Variants in CALN1 observed in about 807,000 individuals in gnomAD.
CALN1 encodes the protein calcium-binding protein 8.
Under a neutral mutation model 30.6 loss-of-function variants are expected in CALN1, and 17 were observed. That is an observed-to-expected ratio of 0.56 (90% confidence interval 0.38 to 0.83). CALN1 has a LOEUF of 0.83. Among genes scored for constraint, CALN1 ranks in the 40% least tolerant of loss-of-function variants. The probability of loss-of-function intolerance (pLI) is 0.00; values close to 1 mark genes in which losing one functional copy is unlikely to be tolerated. For missense variants in CALN1, 291 were observed against 354.9 expected (o/e 0.82, Z 1.45); for synonymous variants, 156 against 131.4 (o/e 1.19, Z -1.28).
chr7:71,908,878 TATCCAGGGATGTCCTTTCAGGG>T lies in CALN1; in HGVS notation c.502-98408_502-98387del, dbSNP rs1301846234. Among the ~76,000 whole-genome samples, 5 of 152,218 alleles carry T rather than the reference TATCCAGGGATGTCCTTTCAGGG, an allele frequency of 3.3e-5. No individual in the cohort carries two copies. In the East Asian group the frequency reaches 5.8e-4, roughly 18 times the overall value. ...GCAAATCAGGGTGTTCTTAATCTTC[TATCCAGGGATGTCCTTTCAGGG>T]ATCCAGGGACGTCCTTTCAGGGATC... On this transcript the variant is annotated intron_variant, in intron 5 of 6. Transcript: ENST00000395275.
chr7:72,107,807 G>A (rs888039833), intron 3 of CALN1, among the ~76,000 whole-genome samples: 27 of 152,022 alleles, frequency 1.8e-4, no homozygotes, highest in Admixed American at 1.4e-3. Flanking sequence ...TAATAAATAC[G>A]GAAAAATAAA....
intron 2 of CALN1, among the ~76,000 whole-genome samples, chr7:72,370,115 A>G (rs1454539968): frequency 6.6e-6 from 1 of 152,196 alleles, no homozygotes; most frequent in African/African-American, 2.4e-5. Context: ...ATGACTCTAC[A>G]TTGTCACCAG....
At chr7:72,265,590 A>G (rs7782517) in intron 3 of CALN1, among the ~76,000 whole-genome samples, 28,669 of 151,940 alleles carry the variant, frequency 0.19, 3,758 homozygotes, top group East Asian at 0.43. Context: ...GATCTGTTAC[A>G]ATGCATTTCT....
chr7:72,455,352 T>C, the CALN1 span, among the ~76,000 whole-genome samples: 1 of 150,934 alleles, frequency 6.6e-6, no homozygotes, highest in African/African-American at 2.5e-5. Flanking sequence ...TGTGTGTGTG[T>C]GTGTGTGTGT....
chr7:72,336,820 A>G, intron 2 of CALN1: 5 of 984,820 alleles, frequency 5.1e-6, no homozygotes, highest in Non-Finnish European at 6.0e-6. Context: ...CCGAGCGGGC[A>G]GCGCTCAGCC....
At chr7:72,341,247 G>A (rs991886271) in intron 2 of CALN1, among the ~76,000 whole-genome samples, 2 of 152,220 alleles carry the variant, frequency 1.3e-5, no homozygotes, top group African/African-American at 4.8e-5. Flanking sequence ...GTAGGGCCAA[G>A]CACGGTGGCT....
chr7:72,262,984 G>C (rs1423892756), intron 3 of CALN1, among the ~76,000 whole-genome samples: 1 of 152,198 alleles, frequency 6.6e-6, no homozygotes, highest in African/African-American at 2.4e-5. Context: ...GGCCTCTCCA[G>C]TTAGAGGCAT....
chr7:71,989,224 G>C (rs1798824713), intron 5 of CALN1, among the ~76,000 whole-genome samples: 1 of 152,158 alleles, frequency 6.6e-6, no homozygotes, highest in Admixed American at 6.5e-5. Context: ...GATCACCTGA[G>C]GTCACGAGTT....
intron 3 of CALN1, among the ~76,000 whole-genome samples, chr7:72,256,694 A>C (rs1454614515): frequency 6.6e-6 from 1 of 151,546 alleles, no homozygotes; most frequent in Non-Finnish European, 1.5e-5. Context: ...GCAGCCTCAA[A>C]CTCCTGGGCT....
At chr7:72,095,354 A>G (rs1806149078) in intron 4 of CALN1, among the ~76,000 whole-genome samples, 1 of 152,162 alleles carries the variant, frequency 6.6e-6, no homozygotes, top group Admixed American at 6.6e-5. Context: ...AGCATTACAC[A>G]AGTGTTATTT....
intron 1 of CALN1, among the ~76,000 whole-genome samples, chr7:72,407,850 G>A (rs772348236): frequency 3.3e-5 from 5 of 152,184 alleles, no homozygotes; most frequent in Non-Finnish European, 5.9e-5. Context: ...ATCCACCACA[G>A]ATGTAGCCTC....
intron 4 of CALN1, among the ~76,000 whole-genome samples, chr7:72,035,008 C>T (rs374299069): frequency 3.3e-5 from 5 of 152,018 alleles, no homozygotes; most frequent in East Asian, 1.9e-4. Context: ...TACCCACTCC[C>T]GAAAAACTAA....
chr7:71,934,096 T>A (rs957677215), intron 5 of CALN1, among the ~76,000 whole-genome samples: 10 of 152,224 alleles, frequency 6.6e-5, no homozygotes, highest in Admixed American at 2.6e-4. Flanking sequence ...CAAATTTTTT[T>A]AAATGTGACT....
intron 5 of CALN1, among the ~76,000 whole-genome samples, chr7:71,906,886 GC>G (rs1165528786): frequency 1.3e-5 from 2 of 152,096 alleles, no homozygotes; most frequent in Non-Finnish European, 2.9e-5. Context: ...GTCTGTTTTT[GC>G]AAAATCAAAA....
At chr7:72,375,466 G>C (rs887222055) in intron 2 of CALN1, among the ~76,000 whole-genome samples, 2 of 151,496 alleles carry the variant, frequency 1.3e-5, no homozygotes, top group African/African-American at 4.9e-5. Context: ...TCATGAGGCT[G>C]AGGTGGGGAG....
intron 5 of CALN1, among the ~76,000 whole-genome samples, chr7:71,846,040 C>G (rs6965965): frequency 0.56 from 85,504 of 151,728 alleles, 25,898 homozygotes; most frequent in East Asian, 0.86. Flanking sequence ...GGGACAGAGC[C>G]AAACTCGGTC....
Position 71,821,442 on chromosome 7 carries a change from T to G in CALN1, c.502-10950A>C, listed in dbSNP as rs368425955. On this transcript the variant is annotated intron_variant, in intron 5 of 6. Coordinates refer to ENST00000395275, the MANE Select transcript of CALN1 (RefSeq NM_031468.4). Reference sequence around the variant, plus strand: ...TGGAAGGTGAAAGTCATGTCTTACATGGCAGCGGGCAAAAAAGAATGAGAA... The same window carrying G: ...TGGAAGGTGAAAGTCATGTCTTACAGGGCAGCGGGCAAAAAAGAATGAGAA... Among the ~76,000 whole-genome samples, 562 of 152,238 alleles carry G rather than the reference T, an allele frequency of 3.7e-3. 4 individuals carry two copies. The highest frequency in any genetic ancestry group is 0.013 in the African/African-American group (523 of 41,540).
At chr7:72,263,152 T>A (rs1796382027) in intron 3 of CALN1, among the ~76,000 whole-genome samples, 1 of 152,158 alleles carries the variant, frequency 6.6e-6, no homozygotes. Context: ...ATCATAACAA[T>A]AACAATAATT....
chr7:72,211,653 A>G (rs1792403092), intron 3 of CALN1, among the ~76,000 whole-genome samples: 1 of 152,232 alleles, frequency 6.6e-6, no homozygotes, highest in Admixed American at 6.5e-5. Context: ...TATGAATGTT[A>G]GCTATCGCTG....
Sources: gnomAD v4.1 joint callset for allele counts (sites outside exome capture counted in the v4.1 genomes callset) on GRCh38, gnomAD v4.1.1 for gene constraint, MANE v1.5 for transcripts, NCBI Gene and HGNC (gene_info 2026-07-23, HGNC 2026-07-21) for gene names.